The following MPZL1 variants were observed in gnomAD, a reference collection of about 807,000 sequenced individuals.
MPZL1 encodes myelin protein zero like 1.
A neutral mutation model predicts 29.3 loss-of-function variants in MPZL1; 16 were observed. That is an observed-to-expected ratio of 0.55 (90% CI 0.37 to 0.83). MPZL1 has a LOEUF of 0.83. Ranked by LOEUF, MPZL1 falls within the 40% of genes least tolerant of loss-of-function variation. MPZL1 has a pLI of 0.00. For missense variants in MPZL1, 279 were observed against 332.9 expected (o/e 0.84, Z 1.26); for synonymous variants, 143 against 132.0 (o/e 1.08, Z -0.57).
chr1:167,725,064 G>T (rs140158289), intron 1 of MPZL1, among the ~76,000 whole-genome samples: 1 of 152,176 alleles, frequency 6.6e-6, no homozygotes, highest in Non-Finnish European at 1.5e-5. Flanking sequence ...TCAGTAATTT[G>T]TACCATCCAT....
chr1:167,763,108 T>A (rs1423722366), intron 1 of MPZL1, among the ~76,000 whole-genome samples: 1 of 151,950 alleles, frequency 6.6e-6, no homozygotes, highest in Non-Finnish European at 1.5e-5. Flanking sequence ...GTCTTTTTGC[T>A]CAAAATTCTG....
rs543847098 is a variant in MPZL1 at position 167,748,639 on chromosome 1, A to G, written c.92-16944A>G. ...AATTTTGGGTAAGTCCAATTTACCT[A>G]TTATTTCTTTTGTTACTCATGCTTT... On this transcript the variant is annotated intron_variant, in intron 1 of 5. Transcript: ENST00000359523. Among the ~76,000 whole-genome samples, 6 of 152,166 alleles carry G rather than the reference A, an allele frequency of 3.9e-5. No homozygotes were observed. In the East Asian group the frequency reaches 9.6e-4, roughly 24 times the overall value.
Position 167,788,290 on chromosome 1 carries a change from G to T in MPZL1, c.*369G>T. The T allele has an allele frequency of 4.7e-6, 1 of 211,316 alleles. No homozygotes were observed. 13.1% of individuals were successfully genotyped at this position (211,316 alleles called of 1,614,324 possible). On this transcript the variant is annotated 3_prime_UTR_variant, in exon 6 of 6. Coordinates refer to ENST00000359523, the MANE Select transcript of MPZL1 (RefSeq NM_003953.6). The stretch of plus-strand genomic sequence containing the variant: ...AATAGCAGATCCTGTAGTATTTCCA[G>T]TAGACATGGCCTTTTAATCTAAGGG...
chr1:167,747,519 A>G (rs1406556997), intron 1 of MPZL1, among the ~76,000 whole-genome samples: 1 of 152,172 alleles, frequency 6.6e-6, no homozygotes, highest in African/African-American at 2.4e-5. Flanking sequence ...CAGGTCTTTT[A>G]TTTCACGTTT....
intron 3 of MPZL1, 138 bp downstream of exon 3, chr1:167,772,626 C>T (rs144180041): frequency 5.6e-6 from 4 of 717,714 alleles, no homozygotes. Flanking sequence ...TGCCACGAAC[C>T]TGTGGCTCTA....
Position 167,787,875 on chromosome 1 carries a change from T to C in MPZL1, c.764T>C (p.Ile255Thr). The C allele has an allele frequency of 6.2e-7, 1 of 1,613,916 alleles. No individual in the cohort carries two copies. ...TCCGGCGGACATCACAGTGACAAGA[T>C]TAACAAGTCAGAGTCTGTGGTGTAT... ...DHSGGHHSDKINKSESVVYAD... is the reference protein window; with the variant it reads ...DHSGGHHSDKTNKSESVVYAD... Residue 255 changes from isoleucine (I) to threonine (T), a missense_variant, in exon 6 of 6, where the codon ATT becomes ACT. By Grantham distance (89) the Ile-to-Thr change is moderately conservative. Transcript: ENST00000359523.
At chr1:167,779,714 TA>T (rs1235663132) in intron 5 of MPZL1, among the ~76,000 whole-genome samples, 1 of 152,156 alleles carries the variant, frequency 6.6e-6, no homozygotes, top group East Asian at 1.9e-4. Context: ...AATACTGTTG[TA>T]AGGTCCTTAT....
At chr1:167,760,806 C>A (rs1660972093) in intron 1 of MPZL1, among the ~76,000 whole-genome samples, 1 of 141,144 alleles carries the variant, frequency 7.1e-6, no homozygotes, top group East Asian at 2.1e-4. Context: ...CAGGTGTCAT[C>A]AGCATTTGAA....
chr1:167,747,376 A>G (rs989740528), intron 1 of MPZL1, among the ~76,000 whole-genome samples: 3 of 152,064 alleles, frequency 2.0e-5, no homozygotes, highest in African/African-American at 7.2e-5. Context: ...ATGAGCCACC[A>G]TGCCTGGCAA....
chr1:167,735,068 C>T (rs1660349366), intron 1 of MPZL1, among the ~76,000 whole-genome samples: 2 of 152,200 alleles, frequency 1.3e-5, no homozygotes, highest in Admixed American at 1.3e-4. Context: ...ATAAGGATAT[C>T]TTTCAGACAT....
At chr1:167,772,810 G>C (rs944806934) in intron 3 of MPZL1, among the ~76,000 whole-genome samples, 1 of 152,190 alleles carries the variant, frequency 6.6e-6, no homozygotes, top group African/African-American at 2.4e-5. Context: ...ATGGGCAGTG[G>C]GAAAGAAGGA....
intron 1 of MPZL1, among the ~76,000 whole-genome samples, chr1:167,736,874 C>G (rs1423493677): frequency 6.6e-6 from 1 of 152,210 alleles, no homozygotes; most frequent in South Asian, 2.1e-4. Context: ...TCCTCCATCT[C>G]TCCCCATTAT....
chr1:167,781,087 T>C (rs1661486841), intron 5 of MPZL1, among the ~76,000 whole-genome samples: 1 of 152,126 alleles, frequency 6.6e-6, no homozygotes, highest in Non-Finnish European at 1.5e-5. Context: ...CTTCTAATAA[T>C]AGAGCTTGAA....
chr1:167,780,385 A>G (rs1661472463), intron 5 of MPZL1, among the ~76,000 whole-genome samples: 1 of 152,220 alleles, frequency 6.6e-6, no homozygotes, highest in Non-Finnish European at 1.5e-5. Context: ...CAGGTAGGTT[A>G]AAAATATTAA....
chr1:167,777,461 G>A (rs892980193), intron 5 of MPZL1, among the ~76,000 whole-genome samples: 3 of 152,072 alleles, frequency 2.0e-5, no homozygotes, highest in African/African-American at 7.2e-5. Context: ...AGTGTAGGTG[G>A]GGAAAATGGA....
Position 167,744,411 on chromosome 1 carries a change from C to T in MPZL1, c.92-21172C>T, listed in dbSNP as rs78104361. On this transcript the variant is annotated intron_variant, in intron 1 of 5. Transcript: ENST00000359523. ...TTAAAAACCAAAAAAAGGCCGGGCA[C>T]AGTGGCTCATGCCTGTAATCCCAGC... is the stretch of plus-strand genomic sequence containing the variant. Among the ~76,000 whole-genome samples the T allele has an allele frequency of 1.0e-3, 159 of 152,200 alleles. 1 individual carries two copies. The East Asian group carries it at 0.026, about 25-fold the overall frequency.
intron 1 of MPZL1, among the ~76,000 whole-genome samples, chr1:167,752,707 G>A (rs1660783188): frequency 6.6e-6 from 1 of 152,172 alleles, no homozygotes; most frequent in South Asian, 2.1e-4. Flanking sequence ...AATCAGTGCT[G>A]ATTAATCAAT....
chr1:167,766,819 C>G (rs1364716321), intron 2 of MPZL1, among the ~76,000 whole-genome samples: 1 of 152,192 alleles, frequency 6.6e-6, no homozygotes, highest in Non-Finnish European at 1.5e-5. Flanking sequence ...ATTGTTTAAA[C>G]TTCAATACGG....
At position 167,776,092 on chromosome 1, in the gene MPZL1, G is replaced by T; in HGVS notation, c.634G>T (p.Val212Phe). 2 of 1,612,156 alleles carry T rather than the reference G, an allele frequency of 1.2e-6. No homozygotes were observed. Among genetic ancestry groups the T allele is most frequent in the South Asian group, 1.1e-5 (1 of 90,874 alleles). The stretch of plus-strand genomic sequence containing the variant: ...CAGTACATCAGAGAGTTTGTCACCA[G>T]TTAAGCAGGCTCCTCGGAAGTCCCC... ...GCSTSESLSP[V>F]KQAPRKSPSD... Residue 212 changes from valine to phenylalanine, a missense_variant, in exon 5 of 6, where the codon GTT (valine) becomes TTT (phenylalanine). Transcript: ENST00000359523.
Sources: allele counts gnomAD v4.1 joint callset (sites outside exome capture counted in the v4.1 genomes callset), GRCh38; gene constraint gnomAD v4.1.1; transcripts MANE v1.5; gene names NCBI Gene and HGNC (gene_info 2026-07-23, HGNC 2026-07-21).